Variants in USH2A observed in about 807,000 individuals in gnomAD.
USH2A encodes Usher syndrome 2A (autosomal recessive, mild).
In USH2A, 443 loss-of-function variants were observed where a neutral mutation model predicts 538.9. That is an observed-to-expected ratio of 0.82 (90% CI 0.76 to 0.89). USH2A has a LOEUF of 0.89. USH2A is among the 40% of genes least tolerant of loss of function. The pLI is 0.00. For synonymous variants in USH2A, 2,413 were observed against 2,273.5 expected (o/e 1.06, Z -1.75); for missense variants, 6,633 against 6,324.8 (o/e 1.05, Z -1.65).
At chr1:216,385,283 T>C (rs543018711) in intron 3 of USH2A, among the ~76,000 whole-genome samples, 1 of 152,098 alleles carries the variant, frequency 6.6e-6, no homozygotes, top group African/African-American at 2.4e-5. Flanking sequence ...AGGAAAGGGG[T>C]CCCTAAAGGG....
chr1:215,775,259 T>C (rs1351986710), intron 55 of USH2A, among the ~76,000 whole-genome samples: 4 of 152,210 alleles, frequency 2.6e-5, no homozygotes, highest in Non-Finnish European at 5.9e-5. Context: ...CTTACTTCTA[T>C]GCTCTGCTTC....
At chr1:216,332,575 C>A (rs2037889611) in intron 4 of USH2A, among the ~76,000 whole-genome samples, 1 of 152,118 alleles carries the variant, frequency 6.6e-6, no homozygotes, top group South Asian at 2.1e-4. Context: ...TCTGCACAAG[C>A]AGGAAGTGGG....
At chr1:215,942,983 A>G (rs1164008615) in intron 37 of USH2A, among the ~76,000 whole-genome samples, 2 of 152,134 alleles carry the variant, frequency 1.3e-5, no homozygotes, top group East Asian at 3.9e-4. Context: ...GGAGACAGAA[A>G]ATCTGGATTC....
chr1:216,277,994 T>C (rs1229305793), intron 11 of USH2A, among the ~76,000 whole-genome samples: 1 of 152,118 alleles, frequency 6.6e-6, no homozygotes, highest in Non-Finnish European at 1.5e-5. Flanking sequence ...TTTGGGGGTT[T>C]GTTACATCTG....
chr1:215,701,925 A>G (rs1165790616), intron 61 of USH2A, among the ~76,000 whole-genome samples: 1 of 151,950 alleles, frequency 6.6e-6, no homozygotes, highest in Non-Finnish European at 1.5e-5. Flanking sequence ...TCGTCTTTAC[A>G]TTTTGGTATG....
intron 40 of USH2A, among the ~76,000 whole-genome samples, chr1:215,895,444 G>A (rs1178112366): frequency 6.6e-6 from 1 of 152,148 alleles, no homozygotes; most frequent in African/African-American, 2.4e-5. Context: ...TTGAGCTGGG[G>A]CTTGATGAAT....
chr1:216,330,148 G>A (rs116063546), intron 4 of USH2A, among the ~76,000 whole-genome samples: 2,735 of 152,080 alleles, frequency 0.018, 31 homozygotes, highest in Non-Finnish European at 0.028. Context: ...ATTCTTTTAC[G>A]TATTGATTCA....
At chr1:215,703,481 C>T (rs927769253) in intron 61 of USH2A, among the ~76,000 whole-genome samples, 2 of 152,198 alleles carry the variant, frequency 1.3e-5, no homozygotes, top group East Asian at 3.9e-4. Flanking sequence ...CTGACTGGGG[C>T]TGCTGCCTTT....
chr1:216,056,102 C>A (rs2030966775), intron 30 of USH2A, among the ~76,000 whole-genome samples: 1 of 152,166 alleles, frequency 6.6e-6, no homozygotes, highest in South Asian at 2.1e-4. Context: ...ATTCTCTCAG[C>A]AGGTTTACCT....
At chr1:216,269,905 AC>A (rs1365559785) in intron 11 of USH2A, among the ~76,000 whole-genome samples, 1 of 152,054 alleles carries the variant, frequency 6.6e-6, no homozygotes, top group Middle Eastern at 3.2e-3. Flanking sequence ...TGCAATAATT[AC>A]CCCAGTCAGT....
chr1:216,159,636 T>G (rs61826937), intron 21 of USH2A, among the ~76,000 whole-genome samples: 53 of 152,172 alleles, frequency 3.5e-4, no homozygotes, highest in Non-Finnish European at 6.5e-4. Context: ...GTTAATTTCT[T>G]TGTCAGATTT....
chr1:215,860,426 A>C (rs1664285417), intron 44 of USH2A, among the ~76,000 whole-genome samples: 1 of 152,162 alleles, frequency 6.6e-6, no homozygotes, highest in Non-Finnish European at 1.5e-5. Context: ...AAAAAAACAA[A>C]AGAAAAAAAG....
chr1:215,767,874 T>C (rs930915216), intron 55 of USH2A, among the ~76,000 whole-genome samples: 6 of 152,160 alleles, frequency 3.9e-5, no homozygotes, highest in Admixed American at 1.3e-4. Context: ...CTCTTGACTC[T>C]TGGGAAAGTT....
intron 4 of USH2A, among the ~76,000 whole-genome samples, chr1:216,336,114 T>C (rs915836384): frequency 1.3e-5 from 2 of 151,472 alleles, no homozygotes; most frequent in Admixed American, 1.3e-4. Flanking sequence ...TGGTTCAATG[T>C]ACGAAAAGTA....
At chr1:215,702,065 C>T (rs1203171641) in intron 61 of USH2A, among the ~76,000 whole-genome samples, 1 of 152,118 alleles carries the variant, frequency 6.6e-6, no homozygotes. Flanking sequence ...TTTCATTTCT[C>T]CTTCACTTTT....
chr1:215,824,811 G>A (rs80235213), intron 47 of USH2A, among the ~76,000 whole-genome samples: 3,013 of 152,210 alleles, frequency 0.02, 100 homozygotes, highest in African/African-American at 0.069. Flanking sequence ...GAAATCAAGG[G>A]TCAGGAAAAT....
At chr1:216,203,702 T>G (rs2035049257) in intron 16 of USH2A, among the ~76,000 whole-genome samples, 1 of 152,196 alleles carries the variant, frequency 6.6e-6, no homozygotes, top group African/African-American at 2.4e-5. Flanking sequence ...TATGAGATTA[T>G]AAATTATAAT....
chr1:215,911,103 G>A (rs1174550150), intron 38 of USH2A, among the ~76,000 whole-genome samples: 3 of 151,294 alleles, frequency 2.0e-5, no homozygotes, highest in Admixed American at 6.6e-5. Flanking sequence ...TATATTTATT[G>A]GGGCACATGA....
intron 3 of USH2A, among the ~76,000 whole-genome samples, chr1:216,415,321 C>T (rs568034513): frequency 2.6e-5 from 4 of 152,124 alleles, no homozygotes; most frequent in African/African-American, 7.2e-5. Context: ...GACGTCAAGG[C>T]GGGCAGGGTA....
Sources: gnomAD v4.1 joint callset for allele counts (sites outside exome capture counted in the v4.1 genomes callset) on GRCh38, gnomAD v4.1.1 for gene constraint, MANE v1.5 for transcripts, NCBI Gene and HGNC (gene_info 2026-07-23, HGNC 2026-07-21) for gene names.